Variants in NUP188 observed in about 807,000 individuals in gnomAD.
NUP188 encodes the protein nucleoporin NUP188.
Under a neutral mutation model 223.0 loss-of-function variants are expected in NUP188, and 97 were observed. That is an observed-to-expected ratio of 0.43 (90% CI 0.37 to 0.51). The LOEUF (loss-of-function observed/expected upper bound fraction) is 0.51, where lower values mean the gene tolerates loss of function less well. Among genes scored for constraint, NUP188 ranks in the 20% least tolerant of loss-of-function variants. The pLI is 0.00. For synonymous variants in NUP188, 869 were observed against 828.0 expected (o/e 1.05, Z -0.85); for missense variants, 1,947 against 2,175.6 (o/e 0.89, Z 2.09).
At chr9:128,979,391 G>A in intron 13 of NUP188, 64 bp downstream of exon 13, 1 of 1,192,106 alleles carries the variant, frequency 8.4e-7, no homozygotes. Flanking sequence ...TTTTCTTACA[G>A]GTTTTGTACT....
At chr9:128,952,996 C>T (rs867473863) in intron 3 of NUP188, 150 bp downstream of exon 3, 5 of 613,920 alleles carry the variant, frequency 8.1e-6, no homozygotes, top group Middle Eastern at 3.0e-4. Context: ...CAGTAGGGTA[C>T]ATTTGTTTTT....
chr9:128,969,645 T>A, intron 10 of NUP188, 131 bp downstream of exon 10: 1 of 543,316 alleles, frequency 1.8e-6, no homozygotes, highest in South Asian at 2.9e-5. Flanking sequence ...TTCTACAATG[T>A]TTTCGTTTTG....
At chr9:128,952,722 CAA>C (rs371313511) in intron 2 of NUP188, 49 bp from the exon 3 acceptor site, 17,258 of 1,266,904 alleles carry the variant, frequency 0.014, no homozygotes, top group East Asian at 0.017. Flanking sequence ...GACTCTGTCT[CAA>C]AAAAAAAAAA....
At position 129,003,451 on chromosome 9, in the gene NUP188, C is replaced by T. The variant is rs748098567; in HGVS notation, c.4431C>T (p.Ile1477=). The T allele has an allele frequency of 3.8e-5, 61 of 1,609,600 alleles. No homozygotes were observed. Among genetic ancestry groups the T allele is most frequent in the Non-Finnish European group, 5.0e-5 (59 of 1,179,938 alleles). The change falls in exon 38 of 44, where the codon ATC becomes ATT. Residue 1477 remains isoleucine, a synonymous_variant. Coordinates refer to ENST00000372577, the MANE Select transcript of NUP188 (RefSeq NM_015354.3). Reference sequence around the variant, plus strand: ...ACCTGCCTCAGCTCATGCGTGATATCCAGGTGGGGGCCCAAGATGGTGTCT... The same window carrying T: ...ACCTGCCTCAGCTCATGCGTGATATTCAGGTGGGGGCCCAAGATGGTGTCT... ...HFHLPQLMRD[I]QVNLGYLCQA...
At chr9:128,998,092 C>G in intron 30 of NUP188, 59 bp from the exon 31 acceptor site, 1 of 1,200,302 alleles carries the variant, frequency 8.3e-7, no homozygotes. Flanking sequence ...CCCCATGTTT[C>G]TTGGCCTCTA....
chr9:128,991,609 A>G (rs999552644), intron 25 of NUP188, among the ~76,000 whole-genome samples: 2 of 151,838 alleles, frequency 1.3e-5, no homozygotes, highest in Non-Finnish European at 2.9e-5. Context: ...TGGGAGGCCC[A>G]GGTGGGTGGC....
chr9:128,982,443 C>A, intron 15 of NUP188, 106 bp from the exon 16 acceptor site: 2 of 1,054,812 alleles, frequency 1.9e-6, no homozygotes, highest in South Asian at 1.6e-5. Context: ...AAAAAAATGT[C>A]TGTGAGTTTG....
chr9:128,970,997 C>A, intron 11 of NUP188, 39 bp downstream of exon 11: 1 of 1,455,968 alleles, frequency 6.9e-7, no homozygotes, highest in Non-Finnish European at 9.7e-7. Context: ...TGGGAGTGAG[C>A]CGGCAGAAGC....
At chr9:128,953,784 T>C (rs1218570034) in intron 3 of NUP188, among the ~76,000 whole-genome samples, 1 of 152,040 alleles carries the variant, frequency 6.6e-6, no homozygotes, top group Admixed American at 6.6e-5. Flanking sequence ...ACACAGCTAC[T>C]AAGTGATAGA....
chr9:128,980,579 T>C (rs1381039843), intron 13 of NUP188, 27 bp from the exon 14 acceptor site: 1 of 1,593,330 alleles, frequency 6.3e-7, no homozygotes, highest in Non-Finnish European at 8.5e-7. Flanking sequence ...AATGTGAAGA[T>C]CAGTGATTTG....
At position 128,958,858 on chromosome 9, in the gene NUP188, T is replaced by C; in HGVS notation, c.429T>C (p.Leu143=). The C allele has an allele frequency of 6.2e-7, 1 of 1,602,228 alleles. No individual in the cohort carries two copies. The highest frequency in any genetic ancestry group is 8.5e-7 in the Non-Finnish European group (1 of 1,172,646). ...RTCILRCVLH[L]LTYFQDERHP... ...GTATTCTTCGTTGTGTCTTACACCT[T>C]CTCACTTACTTCCAAGATGAAAGAC... Residue 143 remains leucine (L), a synonymous_variant, in exon 7 of 44, where the codon CTT becomes CTC. Coordinates refer to ENST00000372577, the MANE Select transcript of NUP188 (RefSeq NM_015354.3).
intron 12 of NUP188, among the ~76,000 whole-genome samples, chr9:128,977,703 G>A (rs1369718009): frequency 6.6e-6 from 1 of 151,982 alleles, no homozygotes; most frequent in Non-Finnish European, 1.5e-5. Flanking sequence ...GGATGCTGAG[G>A]CAGGAGAATT....
chr9:128,986,312 C>T (rs1842332807), intron 20 of NUP188, among the ~76,000 whole-genome samples: 1 of 152,162 alleles, frequency 6.6e-6, no homozygotes, highest in Non-Finnish European at 1.5e-5. Flanking sequence ...ATTTAGCCTG[C>T]ATCCCTTTTC....
chr9:128,965,063 T>G (rs562177968), intron 8 of NUP188, among the ~76,000 whole-genome samples: 37 of 152,332 alleles, frequency 2.4e-4, no homozygotes, highest in African/African-American at 7.7e-4. Context: ...GCTCCTGCCT[T>G]TTGGAGCTTG....
Position 129,005,216 on chromosome 9 carries a change from T to C in NUP188, c.4504T>C (p.Leu1502=), listed in dbSNP as rs1475287699. The change falls in exon 39 of 44, where the codon TTA becomes CTA. Residue 1502 remains leucine (L), a synonymous_variant. Coordinates refer to ENST00000372577, the MANE Select transcript of NUP188 (RefSeq NM_015354.3). ...CAGTCGAAAGATGCTGCAGCATTAC[T>C]TACAGGTAAGCGTCCTATGCCATGA... is the stretch of plus-strand genomic sequence containing the variant. ...LHSRKMLQHY[L]QNKNGDGLPS... The C allele has an allele frequency of 6.2e-7, 1 of 1,613,954 alleles. No individual in the cohort carries two copies. Among genetic ancestry groups the C allele is most frequent in the East Asian group, 2.2e-5 (1 of 44,904 alleles).
chr9:128,991,023 A>G (rs1842417739), intron 25 of NUP188, among the ~76,000 whole-genome samples: 1 of 152,174 alleles, frequency 6.6e-6, no homozygotes, highest in South Asian at 2.1e-4. Flanking sequence ...GTCTCAAGAT[A>G]AAAGGAGAAA....
chr9:129,001,744 C>G lies in NUP188; in HGVS notation c.4044+15C>G. The stretch of plus-strand genomic sequence containing the variant: ...GCACTCAGCAGGTAGGAGGCCAGCC[C>G]GAAGGCAGGAGGGAGCGTCCTTGCT... On this transcript the variant is annotated intron_variant, in intron 35 of 43. Transcript: ENST00000372577. The G allele has an allele frequency of 6.2e-7, 1 of 1,611,868 alleles. No individual in the cohort carries two copies.
chr9:129,006,694 C>T lies in NUP188; in HGVS notation c.*16C>T, dbSNP rs781653972. 2 of 1,604,118 alleles carry T rather than the reference C, an allele frequency of 1.2e-6. No individual in the cohort carries two copies. The highest frequency in any genetic ancestry group is 1.3e-5 in the African/African-American group (1 of 74,860). On this transcript the variant is annotated 3_prime_UTR_variant, in exon 44 of 44. Transcript: ENST00000372577. ...GCAAAGATAGGGCAGTGCTGTTCTG[C>T]CCACCTACCCCTCTCCACCAGCCTA...
rs756912993 is a variant in NUP188, at chr9:129,005,317, T to C, written c.4524T>C (p.Asp1508=). 24 of 1,613,992 alleles carry C rather than the reference T, an allele frequency of 1.5e-5. No homozygotes were observed. The highest frequency in any genetic ancestry group is 2.0e-5 in the Non-Finnish European group (24 of 1,179,932). Residue 1508 remains aspartate, a synonymous_variant, in exon 40 of 44, where the codon GAT becomes GAC. Coordinates refer to ENST00000372577, the MANE Select transcript of NUP188 (RefSeq NM_015354.3). ...LQHYLQNKNG[D]GLPSAVAQRV... Reference sequence around the variant, plus strand: ...ACTCTCCTTAGAACAAAAATGGGGATGGCCTCCCCTCAGCTGTTGCCCAGC... The same window carrying C: ...ACTCTCCTTAGAACAAAAATGGGGACGGCCTCCCCTCAGCTGTTGCCCAGC...
Sources: allele counts gnomAD v4.1 joint callset (sites outside exome capture counted in the v4.1 genomes callset), GRCh38; gene constraint gnomAD v4.1.1; transcripts MANE v1.5; gene names NCBI Gene and HGNC (gene_info 2026-07-23, HGNC 2026-07-21).